Variants in SLC38A4 observed in about 807,000 individuals in gnomAD.
SLC38A4 encodes solute carrier family 38 member 4.
SLC38A4 carries 20 observed loss-of-function variants against 63.1 expected under a neutral mutation model. That is an observed-to-expected ratio of 0.32 (90% CI 0.22 to 0.46). SLC38A4 has a LOEUF of 0.46. Among genes scored for constraint, SLC38A4 ranks in the 20% least tolerant of loss-of-function variants. The pLI is 1.00. For missense variants in SLC38A4, 526 were observed against 663.6 expected, an observed-to-expected ratio of 0.79 and a Z score of 2.28; for synonymous variants, 230 against 225.5, an observed-to-expected ratio of 1.02 and a Z score of -0.18.
At chr12:46,814,697 G>A (rs184099586) in intron 1 of SLC38A4, among the ~76,000 whole-genome samples, 1 of 151,884 alleles carries the variant, frequency 6.6e-6, no homozygotes, top group Non-Finnish European at 1.5e-5. Context: ...TAATCATTAT[G>A]AATCAGTGCA....
intron 1 of SLC38A4, among the ~76,000 whole-genome samples, chr12:46,816,717 G>C (rs904006912): frequency 6.6e-6 from 1 of 151,772 alleles, no homozygotes; most frequent in African/African-American, 2.4e-5. Context: ...TTCTAGTGGA[G>C]AATAAAGGAG....
At chr12:46,807,064 C>T (rs548350896) in intron 1 of SLC38A4, among the ~76,000 whole-genome samples, 10 of 151,878 alleles carry the variant, frequency 6.6e-5, no homozygotes, top group African/African-American at 2.2e-4. Flanking sequence ...CTGTTGTTCT[C>T]GTCATGACTA....
intron 1 of SLC38A4, among the ~76,000 whole-genome samples, chr12:46,814,858 A>T (rs116892682): frequency 6.6e-6 from 1 of 151,806 alleles, no homozygotes; most frequent in Non-Finnish European, 1.5e-5. Context: ...GCATGCATAC[A>T]TGCTACTTCT....
chr12:46,771,907 G>A (rs1417854279), intron 14 of SLC38A4, among the ~76,000 whole-genome samples: 1 of 151,966 alleles, frequency 6.6e-6, no homozygotes, highest in African/African-American at 2.4e-5. Flanking sequence ...TGGAAATGTG[G>A]GTCAGATGCT....
rs750195485 is a variant in SLC38A4, at chr12:46,766,684, A to G, written c.*17T>C. ...TGTAACCATTTCCAATAGAAAAAGA[A>G]AGTATTTTTCCTTGTGTTAGTGATG... On this transcript the variant is annotated 3_prime_UTR_variant, in exon 17 of 17. Coordinates refer to ENST00000266579, the MANE Select transcript of SLC38A4 (RefSeq NM_018018.5). 1 of 1,494,168 alleles carries G rather than the reference A, an allele frequency of 6.7e-7. No individual in the cohort carries two copies. The highest frequency in any genetic ancestry group is 2.3e-5 in the East Asian group (1 of 44,100). The allele number at this position is 1,494,168 out of a possible 1,614,324, so 92.6% of individuals were successfully genotyped here. A position where few individuals can be genotyped will look rare whatever the true frequency, so the allele number is the denominator to read the frequency against.
At chr12:46,779,373 C>G (rs1938593675) in intron 10 of SLC38A4, among the ~76,000 whole-genome samples, 1 of 151,800 alleles carries the variant, frequency 6.6e-6, no homozygotes, top group Non-Finnish European at 1.5e-5. Context: ...CCTTTTTTCC[C>G]CATATATAAC....
At chr12:46,802,526 G>T (rs111629088) in intron 2 of SLC38A4, among the ~76,000 whole-genome samples, 1 of 152,128 alleles carries the variant, frequency 6.6e-6, no homozygotes, top group African/African-American at 2.4e-5. Flanking sequence ...AGTCATTAAA[G>T]CTACATTTTT....
intron 1 of SLC38A4, among the ~76,000 whole-genome samples, chr12:46,815,240 G>GATATATAT (rs56368111): frequency 1.5e-4 from 13 of 89,618 alleles, no homozygotes; most frequent in Admixed American, 2.5e-4. Context: ...ATGGCTAAAG[G>GATATATAT]ATATATATAT....
chr12:46,809,444 G>A (rs867666097), intron 1 of SLC38A4, among the ~76,000 whole-genome samples: 5 of 152,050 alleles, frequency 3.3e-5, no homozygotes, highest in African/African-American at 9.7e-5. Context: ...CCTCAGTAGA[G>A]AAGAGGGCAG....
Position 46,778,571 on chromosome 12 carries a change from T to C in SLC38A4, c.923A>G (p.Asp308Gly), listed in dbSNP as rs753524599. Residue 308 changes from aspartate (D) to glycine (G), a missense_variant, in exon 11 of 17, where the codon GAC becomes GGC. Transcript: ENST00000266579. ...DENQAKGSLHDSGVEYEAHSD... is the reference protein window; with the variant it reads ...DENQAKGSLHGSGVEYEAHSD... Reference sequence around the variant, plus strand: ...ATGAGCTTCATATTCTACTCCACTGTCATGAAGAGAGCCCTTGGCCTGGTT... The same window carrying C: ...ATGAGCTTCATATTCTACTCCACTGCCATGAAGAGAGCCCTTGGCCTGGTT... The C allele has an allele frequency of 1.1e-5, 18 of 1,612,960 alleles. No individual in the cohort carries two copies. In the East Asian group the frequency reaches 4.0e-4, roughly 36 times the overall value.
intron 16 of SLC38A4, among the ~76,000 whole-genome samples, chr12:46,767,238 ATGTGTG>A (rs63298462): frequency 6.6e-6 from 1 of 150,830 alleles, no homozygotes; most frequent in African/African-American, 2.4e-5. Context: ...AAGTGTATAT[ATGTGTG>A]TGTGTGTGTG....
intron 1 of SLC38A4, among the ~76,000 whole-genome samples, chr12:46,816,966 C>T (rs1308253436): frequency 1.3e-5 from 2 of 151,706 alleles, no homozygotes; most frequent in Non-Finnish European, 2.9e-5. Flanking sequence ...TAACCTCTTA[C>T]CCAGTTGAGG....
chr12:46,770,173 A>G (rs367758409), intron 14 of SLC38A4, among the ~76,000 whole-genome samples: 2 of 152,096 alleles, frequency 1.3e-5, no homozygotes, highest in East Asian at 1.9e-4. Context: ...ATCACAAAAC[A>G]TGTCTCATCA....
At chr12:46,798,132 A>C (rs1226657514) in intron 2 of SLC38A4, among the ~76,000 whole-genome samples, 1 of 152,076 alleles carries the variant, frequency 6.6e-6, no homozygotes, top group East Asian at 1.9e-4. Flanking sequence ...CACCCCCACC[A>C]TTCATTCTTT....
At chr12:46,826,091 C>T (rs760208703), upstream of SLC38A4, 2 of 152,266 alleles carry the variant, frequency 1.3e-5, no homozygotes, top group Non-Finnish European at 2.9e-5. Flanking sequence ...GCAGACAGAA[C>T]AGCGACCTAT....
At chr12:46,792,393 G>A (rs1303857479) in intron 3 of SLC38A4, among the ~76,000 whole-genome samples, 1 of 152,094 alleles carries the variant, frequency 6.6e-6, no homozygotes, top group African/African-American at 2.4e-5. Context: ...ACTAGAGGAG[G>A]AGCAGGTTTT....
At chr12:46,796,797 C>G (rs1026696482) in intron 2 of SLC38A4, among the ~76,000 whole-genome samples, 2 of 152,026 alleles carry the variant, frequency 1.3e-5, no homozygotes, top group African/African-American at 4.8e-5. Context: ...ATCTTATAGT[C>G]AAAAATGGTA....
chr12:46,811,044 G>A (rs752457403), intron 1 of SLC38A4, among the ~76,000 whole-genome samples: 1 of 151,948 alleles, frequency 6.6e-6, no homozygotes, highest in Non-Finnish European at 1.5e-5. Context: ...AGAAAAATGG[G>A]CATATAATAT....
chr12:46,830,519 T>C (rs187063440), upstream of SLC38A4, among the ~76,000 whole-genome samples: 193 of 152,312 alleles, frequency 1.3e-3, no homozygotes, highest in African/African-American at 4.5e-3. Context: ...CTAATGATTA[T>C]GTCACAGCTA....
Sources: allele counts gnomAD v4.1 joint callset (sites outside exome capture counted in the v4.1 genomes callset), GRCh38; gene constraint gnomAD v4.1.1; transcripts MANE v1.5; gene names NCBI Gene and HGNC (gene_info 2026-07-23, HGNC 2026-07-21).